The following STMND1 variants were observed in gnomAD, a reference collection of about 807,000 sequenced individuals.
STMND1 encodes stathmin domain-containing protein 1.
STMND1 carries 17 observed loss-of-function variants against 23.0 expected under a neutral mutation model. That is an observed-to-expected ratio of 0.74 (90% CI 0.51 to 1.11). STMND1 has a LOEUF of 1.11. Among genes scored for constraint, STMND1 ranks in the 50% least tolerant of loss-of-function variants. STMND1 has a pLI of 0.00. For missense variants in STMND1, 305 were observed against 329.1 expected (o/e 0.93, Z 0.57); for synonymous variants, 114 against 119.9 (o/e 0.95, Z 0.32).
chr6:17,121,246 T>C (rs1202453520), intron 3 of STMND1, among the ~76,000 whole-genome samples: 1 of 152,230 alleles, frequency 6.6e-6, no homozygotes, highest in Non-Finnish European at 1.5e-5. Context: ...GTCTCAGGTA[T>C]TTCCTTATAG....
At chr6:17,106,411 T>G (rs1761025909) in intron 1 of STMND1, among the ~76,000 whole-genome samples, 1 of 152,216 alleles carries the variant, frequency 6.6e-6, no homozygotes, top group South Asian at 2.1e-4. Context: ...GATCAGGCAC[T>G]AATGAATCTT....
intron 2 of STMND1, among the ~76,000 whole-genome samples, chr6:17,115,809 C>G (rs1761152310): frequency 6.6e-6 from 1 of 152,176 alleles, no homozygotes; most frequent in African/African-American, 2.4e-5. Flanking sequence ...CTTTTGCTCC[C>G]CATCACTGTT....
At position 17,108,213 on chromosome 6, in the gene STMND1, T is replaced by C. The variant is rs1022784693; in HGVS notation, c.81+5875T>C. On this transcript the variant is annotated intron_variant, in intron 1 of 4. Transcript: ENST00000536551. ...CCTGGATTCCAAATCCAAGTAGTTA[T>C]AGTAGCTTTGATAACTCAATTGTGA... Among the ~76,000 whole-genome samples, 4 of 152,336 alleles carry C rather than the reference T, an allele frequency of 2.6e-5. No individual in the cohort carries two copies. In the East Asian group the frequency reaches 7.7e-4, roughly 29 times the overall value.
chr6:17,116,860 C>A (rs1761168387), intron 2 of STMND1, among the ~76,000 whole-genome samples: 1 of 152,054 alleles, frequency 6.6e-6, no homozygotes, highest in Non-Finnish European at 1.5e-5. Context: ...CAAAGAACAC[C>A]TATATTATTT....
In STMND1 at chr6:17,131,139, A is replaced by G. The variant is rs758786622; in HGVS notation, c.*258A>G. The G allele has an allele frequency of 1.9e-4, 71 of 375,034 alleles. No homozygotes were observed. The highest frequency in any genetic ancestry group is 7.3e-4 in the Admixed American group (17 of 23,434). The allele number at this position is 375,034 out of a possible 1,614,324, so 23.2% of individuals were successfully genotyped here. ...TCTCCTTTGTGTGGCTTCAAACATT[A>G]TGGAGATGTCTTTAATTCATTTATA... On this transcript the variant is annotated 3_prime_UTR_variant, in exon 5 of 5. Coordinates refer to ENST00000536551, the MANE Select transcript of STMND1 (RefSeq NM_001190766.2).
chr6:17,108,438 C>T (rs1761054359), intron 1 of STMND1, among the ~76,000 whole-genome samples: 1 of 152,130 alleles, frequency 6.6e-6, no homozygotes, highest in African/African-American at 2.4e-5. Context: ...TCAAGAGTCT[C>T]CACTTGGAAA....
chr6:17,123,315 G>A (rs1274185232), intron 3 of STMND1, among the ~76,000 whole-genome samples: 4 of 152,140 alleles, frequency 2.6e-5, no homozygotes, highest in Admixed American at 6.5e-5. Flanking sequence ...TGTTGGGAAC[G>A]TTCTCAAAAG....
intron 1 of STMND1, among the ~76,000 whole-genome samples, chr6:17,114,254 C>T (rs558279444): frequency 9.9e-4 from 149 of 150,690 alleles, no homozygotes; most frequent in African/African-American, 3.5e-3. Flanking sequence ...GATTATCAGG[C>T]ATTAGATTCT....
chr6:17,129,159 A>G lies in STMND1; in HGVS notation c.459A>G (p.Lys153=). The change falls in exon 4 of 5, where the codon AAA becomes AAG. Residue 153 remains lysine (K), a synonymous_variant. Transcript: ENST00000536551. ...TGAGAAAGCCACCTTCCAGACTGAA[A>G]AAACTCAAGATCAAAAAGCAAGTGA... The part of the protein sequence containing the change: ...KPLRKPPSRL[K]KLKIKKQVKD... 1.3e-6 allele frequency: 2 copies of G among 1,536,040 alleles called. No individual in the cohort carries two copies. The highest frequency in any genetic ancestry group is 1.7e-6 in the Non-Finnish European group (2 of 1,146,854).
At chr6:17,125,050 C>T (rs1293241187) in intron 3 of STMND1, among the ~76,000 whole-genome samples, 2 of 150,512 alleles carry the variant, frequency 1.3e-5, no homozygotes, top group Non-Finnish European at 2.9e-5. Flanking sequence ...GGCATGGTGG[C>T]TCACATTTGT....
At chr6:17,125,655 G>T (rs1761285723) in intron 3 of STMND1, among the ~76,000 whole-genome samples, 1 of 152,066 alleles carries the variant, frequency 6.6e-6, no homozygotes, top group African/African-American at 2.4e-5. Flanking sequence ...ACTCAATAAC[G>T]CCAGCTAATG....
Position 17,102,325 on chromosome 6 carries a change from A to G in STMND1, c.68A>G (p.Lys23Arg). Residue 23 changes from lysine (K) to arginine (R), a missense_variant, in exon 1 of 5, where the codon AAA (lysine) becomes AGA (arginine). Transcript: ENST00000536551. ...RRVRAPKKGW[K>R]EEFKADVSVP... is the part of the protein sequence containing the mutation. Reference sequence around the variant, plus strand: ...GTACGCGCGCCCAAGAAGGGCTGGAAAGAGGAATTCAAGGTAATAAACAAA... The same window carrying G: ...GTACGCGCGCCCAAGAAGGGCTGGAGAGAGGAATTCAAGGTAATAAACAAA... 1.3e-6 allele frequency: 2 copies of G among 1,535,902 alleles called. No individual in the cohort carries two copies. Among genetic ancestry groups the G allele is most frequent in the Non-Finnish European group, 1.7e-6 (2 of 1,146,842 alleles).
chr6:17,119,017 T>C (rs1051328959), intron 2 of STMND1, among the ~76,000 whole-genome samples: 2 of 152,192 alleles, frequency 1.3e-5, no homozygotes, highest in Non-Finnish European at 2.9e-5. Context: ...CAAGGCCACC[T>C]TCTAACCAAA....
In STMND1 at chr6:17,126,055, TATATATATATA is replaced by T. The variant is rs1210887239; in HGVS notation, c.412-3056_412-3046del. On this transcript the variant is annotated intron_variant, in intron 3 of 4. Coordinates refer to ENST00000536551, the MANE Select transcript of STMND1 (RefSeq NM_001190766.2). The stretch of plus-strand genomic sequence containing the variant: ...TGTTTTATATATATATATATATATA[TATATATATATA>T]TATATTTTTTTTTTTTTTTTTTTTT... 6.0e-3 allele frequency among the ~76,000 whole-genome samples: 198 copies of T among 33,118 alleles called. 6 individuals carry two copies. The highest frequency in any genetic ancestry group is 0.031 in the East Asian group (29 of 926). 21.7% of individuals were successfully genotyped at this position (33,118 alleles called of 152,430 possible).
At chr6:17,103,108 C>T (rs535286255) in intron 1 of STMND1, among the ~76,000 whole-genome samples, 2 of 152,246 alleles carry the variant, frequency 1.3e-5, no homozygotes, top group East Asian at 1.9e-4. Flanking sequence ...CCACAGACAG[C>T]GCTAGCAACC....
intron 3 of STMND1, among the ~76,000 whole-genome samples, chr6:17,124,978 G>A (rs1273178825): frequency 1.3e-5 from 2 of 150,768 alleles, no homozygotes; most frequent in African/African-American, 4.9e-5. Context: ...CAGCCTGGGT[G>A]AAACAGCGAG....
chr6:17,121,266 A>G (rs1761230372), intron 3 of STMND1, among the ~76,000 whole-genome samples: 1 of 152,210 alleles, frequency 6.6e-6, no homozygotes. Context: ...GAAATGTGAG[A>G]ACAGACTAAT....
chr6:17,129,276 A>G, intron 4 of STMND1, 33 bp downstream of exon 4: 5 of 1,528,620 alleles, frequency 3.3e-6, no homozygotes, highest in Non-Finnish European at 4.4e-6. Flanking sequence ...AGGCTTGAGG[A>G]GTTCGCTGTC....
In STMND1 at chr6:17,102,218, C is replaced by T. The variant is rs1451173817; in HGVS notation, c.-40C>T. 14 of 1,504,878 alleles carry T rather than the reference C, an allele frequency of 9.3e-6. No homozygotes were observed. Among genetic ancestry groups the T allele is most frequent in the African/African-American group, 1.4e-5 (1 of 69,806 alleles). The allele number at this position is 1,504,878 out of a possible 1,614,324, so 93.2% of individuals were successfully genotyped here. A position where few individuals can be genotyped will look rare whatever the true frequency, so the allele number is the denominator to read the frequency against. On this transcript the variant is annotated 5_prime_UTR_variant, in exon 1 of 5. Transcript: ENST00000536551. ...GGCAGGGAGCGCTCGCGGGGGCGCA[C>T]AGCAGCCAAGCCCGCGGAGGAGGAG...
Sources: gnomAD v4.1 joint callset for allele counts (sites outside exome capture counted in the v4.1 genomes callset) on GRCh38, gnomAD v4.1.1 for gene constraint, MANE v1.5 for transcripts, NCBI Gene and HGNC (gene_info 2026-07-23, HGNC 2026-07-21) for gene names.